The following ARHGEF28 variants were observed in gnomAD, a reference collection of about 807,000 sequenced individuals.
ARHGEF28 encodes the protein Rho guanine nucleotide exchange factor 28.
Under a neutral mutation model 206.6 loss-of-function variants are expected in ARHGEF28, and 152 were observed. That is an observed-to-expected ratio of 0.74 (90% CI 0.64 to 0.84). ARHGEF28 has a LOEUF of 0.84. Ranked by LOEUF, ARHGEF28 falls within the 40% of genes least tolerant of loss-of-function variation. The probability of loss-of-function intolerance (pLI) is 0.00; values close to 1 mark genes in which losing one functional copy is unlikely to be tolerated. For missense variants in ARHGEF28, 2,028 were observed against 2,073.2 expected (o/e 0.98, Z 0.42); for synonymous variants, 763 against 776.4 (o/e 0.98, Z 0.29).
At chr5:73,914,806 A>G (rs1006785550) in intron 35 of ARHGEF28, among the ~76,000 whole-genome samples, 1 of 152,072 alleles carries the variant, frequency 6.6e-6, no homozygotes, top group Non-Finnish European at 1.5e-5. Flanking sequence ...AATCACTGCA[A>G]CCTCCACCTC....
At chr5:73,852,775 C>A in intron 14 of ARHGEF28, 83 bp downstream of exon 14, 3 of 1,427,188 alleles carry the variant, frequency 2.1e-6, no homozygotes, top group South Asian at 1.1e-5. Context: ...GCTATCTGTT[C>A]ACTAGTTCAT....
chr5:73,822,291 G>T (rs1447068645), intron 9 of ARHGEF28, among the ~76,000 whole-genome samples: 1 of 152,164 alleles, frequency 6.6e-6, no homozygotes, highest in African/African-American at 2.4e-5. Context: ...TCCTTCCAGG[G>T]ACCACTTTTC....
In ARHGEF28 at chr5:73,887,677, G is replaced by A. The variant is rs764751514; in HGVS notation, c.3385G>A (p.Val1129Ile). 38 of 1,564,652 alleles carry A rather than the reference G, an allele frequency of 2.4e-5. No homozygotes were observed. In the South Asian group the frequency reaches 2.5e-4, roughly 10 times the overall value. The stretch of plus-strand genomic sequence containing the variant: ...AGACCAGAAATACATCTTTGCAGCC[G>A]TTGTAAGTATATGACTGTGTGATGT... ...EKDQKYIFAA[V>I]DQKPSVISLQ... The change falls in exon 26 of 36, where the codon GTT becomes ATT. Residue 1129 changes from valine to isoleucine, a missense_variant and splice_region_variant. Val to Ile is a conservative substitution (Grantham distance 29). Transcript: ENST00000513042.
At chr5:73,684,797 G>T (rs1185393050) in intron 1 of ARHGEF28, 44 bp from the exon 2 acceptor site, 3 of 1,579,792 alleles carry the variant, frequency 1.9e-6, no homozygotes, top group Non-Finnish European at 8.6e-7. Flanking sequence ...CGGTTCCATG[G>T]GGCCTCCTGC....
At chr5:73,701,849 C>G (rs952951245) in intron 2 of ARHGEF28, among the ~76,000 whole-genome samples, 2 of 152,150 alleles carry the variant, frequency 1.3e-5, no homozygotes, top group Non-Finnish European at 1.5e-5. Flanking sequence ...ATTTGTTTAA[C>G]CATTTCAGGT....
chr5:73,932,942 G>A (rs1401961919), intron 35 of ARHGEF28, among the ~76,000 whole-genome samples: 2 of 150,940 alleles, frequency 1.3e-5, no homozygotes, highest in African/African-American at 2.4e-5. Context: ...CCGTGTAGCT[G>A]GGACTACAGG....
chr5:73,739,457 ATAAAC>A (rs1751225569), intron 2 of ARHGEF28, among the ~76,000 whole-genome samples: 1 of 152,258 alleles, frequency 6.6e-6, no homozygotes, highest in African/African-American at 2.4e-5. Context: ...GAGAATAAAA[ATAAAC>A]TAAGCATAAA....
At chr5:73,879,626 T>C (rs1760772472) in intron 22 of ARHGEF28, among the ~76,000 whole-genome samples, 1 of 152,204 alleles carries the variant, frequency 6.6e-6, no homozygotes, top group Non-Finnish European at 1.5e-5. Context: ...TTTCTGTTTG[T>C]TAGTTTTCCT....
At chr5:73,831,600 G>A (rs1757303809) in intron 9 of ARHGEF28, among the ~76,000 whole-genome samples, 1 of 152,194 alleles carries the variant, frequency 6.6e-6, no homozygotes, top group South Asian at 2.1e-4. Flanking sequence ...GCATGTCAGT[G>A]GAAACTGAGG....
In ARHGEF28 at chr5:73,901,229, A is replaced by G; in HGVS notation, c.4019A>G (p.Asp1340Gly). Reference protein sequence around the residue: ...GREGRGCSDVDPGIQGVVTDL... With the variant: ...GREGRGCSDVGPGIQGVVTDL... ...GAAGGAAGAGGCTGTTCGGATGTGG[A>G]TCCCGGGATCCAGGGTGTGGTAACC... The change falls in exon 31 of 36, where the codon GAT becomes GGT. Residue 1340 changes from aspartate (D) to glycine (G), a missense_variant. By Grantham distance (94) the Asp-to-Gly change is moderately conservative. Around this residue, in one of 3 missense-constraint regions of ARHGEF28, gnomAD observed 803 missense variants for 768.0 expected, o/e 1.05. Coordinates refer to ENST00000513042, the MANE Select transcript of ARHGEF28 (RefSeq NM_001177693.2). The G allele has an allele frequency of 1.2e-6, 2 of 1,613,278 alleles. No individual in the cohort carries two copies. The highest frequency in any genetic ancestry group is 1.7e-6 in the Non-Finnish European group (2 of 1,179,574).
At chr5:73,915,156 T>C (rs255581) in intron 35 of ARHGEF28, among the ~76,000 whole-genome samples, 13,252 of 152,094 alleles carry the variant, frequency 0.087, 861 homozygotes, top group Non-Finnish European at 0.13. Flanking sequence ...TGGTTTTTTT[T>C]TCTCCCCTCC....
intron 27 of ARHGEF28, among the ~76,000 whole-genome samples, 165 bp downstream of exon 27, chr5:73,892,395 C>T (rs765788486): frequency 6.6e-5 from 10 of 152,164 alleles, no homozygotes; most frequent in South Asian, 2.1e-4. Flanking sequence ...TTCTCCTCCA[C>T]GCCTCCCTGC....
At chr5:73,808,288 A>C (rs1366975316) in intron 9 of ARHGEF28, among the ~76,000 whole-genome samples, 1 of 152,138 alleles carries the variant, frequency 6.6e-6, no homozygotes, top group Non-Finnish European at 1.5e-5. Context: ...CAGAATTCAC[A>C]CCTCGGGGTG....
At chr5:73,704,803 A>G (rs551599944) in intron 2 of ARHGEF28, among the ~76,000 whole-genome samples, 1 of 152,178 alleles carries the variant, frequency 6.6e-6, no homozygotes, top group Non-Finnish European at 1.5e-5. Flanking sequence ...CTCATCATAC[A>G]GTTGTTAAAC....
intron 6 of ARHGEF28, chr5:73,780,445 A>G (rs1753772648): frequency 3.9e-6 from 2 of 519,114 alleles, no homozygotes; most frequent in East Asian, 6.5e-5. Flanking sequence ...AGAAGCAATA[A>G]AAGATTAGTG....
chr5:73,787,784 A>G (rs1561404051), intron 7 of ARHGEF28, among the ~76,000 whole-genome samples: 1 of 152,182 alleles, frequency 6.6e-6, no homozygotes, highest in Non-Finnish European at 1.5e-5. Context: ...TGACTTTGCC[A>G]GTCCTCTTTC....
At position 73,883,840 on chromosome 5, in the gene ARHGEF28, CA is replaced by C; in HGVS notation, c.3015del (p.Lys1005AsnfsTer29). 1 of 1,578,046 alleles carries C rather than the reference CA, an allele frequency of 6.3e-7. No individual in the cohort carries two copies. Among genetic ancestry groups the C allele is most frequent in the Non-Finnish European group, 8.6e-7 (1 of 1,161,652 alleles). ...ATTCTGTTGGTCACTCAGCGTATTA[CA>C]AAATACCCTGTCTTGGTGGAAAGGA... ...ECILLVTQRITKYPVLVERIL... is the reference protein window; with the variant it reads ...ECILLVTQRIXKYPVLVERIL... On this transcript the variant is annotated frameshift_variant, in exon 24 of 36. Coordinates refer to ENST00000513042, the MANE Select transcript of ARHGEF28 (RefSeq NM_001177693.2). LOFTEE classifies it high-confidence loss of function.
chr5:73,640,861 T>C (rs775072494), intron 1 of ARHGEF28, among the ~76,000 whole-genome samples: 1 of 152,222 alleles, frequency 6.6e-6, no homozygotes, highest in Admixed American at 6.5e-5. Flanking sequence ...ATTTAGGACA[T>C]AGATTTACTA....
intron 5 of ARHGEF28, among the ~76,000 whole-genome samples, chr5:73,775,161 C>T (rs887992496): frequency 4.6e-5 from 7 of 152,254 alleles, no homozygotes; most frequent in East Asian, 1.9e-4. Context: ...ACTCATTCAT[C>T]GTGAACAATT....
Sources: gnomAD v4.1 joint callset for allele counts (sites outside exome capture counted in the v4.1 genomes callset) on GRCh38, gnomAD v4.1.1 for gene constraint, gnomAD v4.1.1 regional missense constraint, MANE v1.5 for transcripts, NCBI Gene and HGNC (gene_info 2026-07-23, HGNC 2026-07-21) for gene names.